Variants in USP15 observed in about 807,000 individuals in gnomAD.
USP15 encodes the protein ubiquitin specific peptidase 15.
USP15 carries 18 observed loss-of-function variants against 127.1 expected under a neutral mutation model. The ratio of observed to expected loss-of-function variants is 0.14; its 90% confidence interval spans 0.10 to 0.21. The LOEUF is 0.21. Ranked by LOEUF, USP15 falls within the 10% of genes least tolerant of loss-of-function variation. USP15 has a pLI of 1.00. For missense variants in USP15, 805 were observed against 1,159.9 expected (o/e 0.69, Z 4.44); for synonymous variants, 364 against 393.7 (o/e 0.92, Z 0.89).
intron 1 of USP15, 148 bp from the exon 2 acceptor site, chr12:62,294,031 T>C: frequency 1.4e-6 from 1 of 740,410 alleles, no homozygotes; most frequent in Non-Finnish European, 2.1e-6. Context: ...GTCTTGTCTT[T>C]CTAATACTAA....
chr12:62,345,101 G>T (rs575047681), intron 6 of USP15, among the ~76,000 whole-genome samples: 51 of 152,286 alleles, frequency 3.3e-4, no homozygotes, highest in Admixed American at 1.1e-3. Context: ...TCAGAAAATG[G>T]GATTTTCATT....
At chr12:62,314,302 A>C (rs748131926) in intron 3 of USP15, among the ~76,000 whole-genome samples, 18 of 152,042 alleles carry the variant, frequency 1.2e-4, no homozygotes, top group Non-Finnish European at 2.2e-4. Context: ...ATAGCCATTA[A>C]GTTCAAATTG....
intron 8 of USP15, among the ~76,000 whole-genome samples, chr12:62,380,957 G>A (rs75058610): frequency 0.012 from 1,758 of 152,156 alleles, 9 homozygotes; most frequent in Non-Finnish European, 0.019. Flanking sequence ...ACTAAAGTTT[G>A]TTCTCTCAGG....
intron 19 of USP15, chr12:62,393,470 T>C (rs1565912496): frequency 1.1e-5 from 3 of 276,052 alleles, no homozygotes; most frequent in Non-Finnish European, 1.3e-5. Context: ...TACCTATGGG[T>C]TAATTGGTCT....
Position 62,404,919 on chromosome 12 carries a change from T to C in USP15, c.*544T>C, listed in dbSNP as rs1249981776. ...ATCCCCGTAATCAATGTGGGCCTAT[T>C]AAAAAACCAAATCATGATACAAGAA... On this transcript the variant is annotated 3_prime_UTR_variant, in exon 22 of 22. Coordinates refer to ENST00000280377, the MANE Select transcript of USP15 (RefSeq NM_001252078.2). 1.3e-5 allele frequency: 2 copies of C among 152,082 alleles called. No individual in the cohort carries two copies. The highest frequency in any genetic ancestry group is 4.8e-5 in the African/African-American group (2 of 41,440). 9.4% of individuals were successfully genotyped at this position (152,082 alleles called of 1,614,324 possible).
At chr12:62,356,870 GGACA>G (rs750773209) in intron 8 of USP15, among the ~76,000 whole-genome samples, 8 of 151,964 alleles carry the variant, frequency 5.3e-5, no homozygotes, top group Non-Finnish European at 1.2e-4. Context: ...GATAGGAATG[GGACA>G]GACAAATTAT....
intron 1 of USP15, among the ~76,000 whole-genome samples, chr12:62,282,383 A>G (rs1315893361): frequency 6.6e-6 from 1 of 152,176 alleles, no homozygotes; most frequent in East Asian, 1.9e-4. Flanking sequence ...AGGAAGATTA[A>G]CAGCAACAAT....
In USP15 at chr12:62,404,270, A is replaced by G. The variant is rs958613239; in HGVS notation, c.2841A>G (p.Glu947=). The G allele has an allele frequency of 6.2e-7, 1 of 1,613,294 alleles. No homozygotes were observed. The highest frequency in any genetic ancestry group is 8.5e-7 in the Non-Finnish European group (1 of 1,179,458). Residue 947 remains glutamate, a synonymous_variant, in exon 22 of 22, where the codon GAA becomes GAG. Transcript: ENST00000280377. The stretch of plus-strand genomic sequence containing the variant: ...CTGGCTTTTTTCCTCTTGACCGAGA[A>G]ACTAAAGGTGCTTCAGCTGCCACTG... The part of the protein sequence containing the change: ...SGTGFFPLDR[E]TKGASAATGI...
intron 19 of USP15, among the ~76,000 whole-genome samples, chr12:62,394,887 C>G (rs1251617839): frequency 6.7e-6 from 1 of 150,340 alleles, no homozygotes; most frequent in African/African-American, 2.4e-5. Context: ...TAATGACAAA[C>G]TAGAATCTAT....
chr12:62,326,809 A>T (rs962271521), intron 6 of USP15, among the ~76,000 whole-genome samples: 12 of 152,200 alleles, frequency 7.9e-5, no homozygotes, highest in Admixed American at 5.2e-4. Flanking sequence ...CCAAGTGAAT[A>T]AAAAAATCTG....
chr12:62,393,307 A>G (rs2067380071), intron 19 of USP15, 105 bp downstream of exon 19: 1 of 1,328,584 alleles, frequency 7.5e-7, no homozygotes. Flanking sequence ...CATTGGACCC[A>G]ATTTCAGCTT....
At chr12:62,319,558 C>T (rs1200179380) in intron 4 of USP15, among the ~76,000 whole-genome samples, 1 of 152,194 alleles carries the variant, frequency 6.6e-6, no homozygotes, top group Non-Finnish European at 1.5e-5. Flanking sequence ...AGTCTCATTT[C>T]TACCTCACTT....
intron 8 of USP15, among the ~76,000 whole-genome samples, chr12:62,365,056 C>A (rs2066434006): frequency 6.6e-6 from 1 of 152,042 alleles, no homozygotes; most frequent in African/African-American, 2.4e-5. Flanking sequence ...AATTTATAAT[C>A]CTTTGGGTAT....
At position 62,409,207 on chromosome 12, in the gene USP15, G is replaced by T. The variant is rs891987106; in HGVS notation, c.*4832G>T. 3 of 152,246 alleles carry T rather than the reference G, an allele frequency of 2.0e-5. No individual in the cohort carries two copies. The highest frequency in any genetic ancestry group is 6.5e-5 in the Admixed American group (1 of 15,278). 9.4% of individuals were successfully genotyped at this position (152,246 alleles called of 1,614,324 possible). A position where few individuals can be genotyped will look rare whatever the true frequency, so the allele number is the denominator to read the frequency against. The stretch of plus-strand genomic sequence containing the variant: ...AATTATTCCCCAGCTCTACTTTTGG[G>T]AGCCTGGAACTTGTCAGGGTTGTGA... On this transcript the variant is annotated 3_prime_UTR_variant, in exon 22 of 22. Transcript: ENST00000280377.
chr12:62,390,029 G>A (rs1032480203), intron 14 of USP15, 41 bp downstream of exon 14: 2 of 1,480,074 alleles, frequency 1.4e-6, no homozygotes, highest in South Asian at 1.4e-5. Context: ...ATAAATATGG[G>A]AATAAAATAT....
chr12:62,358,202 G>A (rs1358970990), intron 8 of USP15, among the ~76,000 whole-genome samples: 11 of 151,964 alleles, frequency 7.2e-5, no homozygotes, highest in East Asian at 1.9e-4. Context: ...TAATGTAAGC[G>A]TGGGTTATAC....
In USP15 at chr12:62,410,733, T is replaced by C. The variant is rs2068018554; in HGVS notation, c.*6358T>C. ...CTGGTCTCTTGAAAGTATTAGTTTA[T>C]GGGTGTGGAGAGGAAGGCTTAAATT... On this transcript the variant is annotated 3_prime_UTR_variant, in exon 22 of 22. Transcript: ENST00000280377. 1 of 152,164 alleles carries C rather than the reference T, an allele frequency of 6.6e-6. No individual in the cohort carries two copies. Among genetic ancestry groups the C allele is most frequent in the African/African-American group, 2.4e-5 (1 of 41,458 alleles). 9.4% of individuals were successfully genotyped at this position (152,164 alleles called of 1,614,324 possible).
intron 4 of USP15, among the ~76,000 whole-genome samples, chr12:62,317,794 A>G (rs1366246256): frequency 6.6e-6 from 1 of 152,234 alleles, no homozygotes; most frequent in Non-Finnish European, 1.5e-5. Context: ...ATAGCAGGCC[A>G]TAGGCCATAT....
At chr12:62,344,211 C>T (rs143843369) in intron 6 of USP15, among the ~76,000 whole-genome samples, 158 of 152,302 alleles carry the variant, frequency 1.0e-3, no homozygotes, top group African/African-American at 3.6e-3. Flanking sequence ...AAATCAAAAA[C>T]AAGTTAGTTA....
Sources: gnomAD v4.1 joint callset for allele counts (sites outside exome capture counted in the v4.1 genomes callset) on GRCh38, gnomAD v4.1.1 for gene constraint, MANE v1.5 for transcripts, NCBI Gene and HGNC (gene_info 2026-07-23, HGNC 2026-07-21) for gene names.